The following GPHN variants were observed in gnomAD, a reference collection of about 807,000 sequenced individuals.
GPHN encodes the protein gephyrin.
A neutral mutation model predicts 95.5 loss-of-function variants in GPHN; 17 were observed. The observed-to-expected ratio is 0.18, with a 90% CI of 0.12 to 0.27. The LOEUF (loss-of-function observed/expected upper bound fraction) is 0.27. Ranked by LOEUF, GPHN falls within the 10% of genes least tolerant of loss-of-function variation. GPHN has a pLI of 1.00. For missense variants in GPHN, 660 were observed against 978.1 expected, an observed-to-expected ratio of 0.67 and a Z score of 4.34; for synonymous variants, 320 against 322.5, an observed-to-expected ratio of 0.99 and a Z score of 0.08.
intron 3 of GPHN, among the ~76,000 whole-genome samples, chr14:66,781,068 A>C (rs773950143): frequency 1.3e-5 from 2 of 152,138 alleles, no homozygotes; most frequent in Admixed American, 6.5e-5. Context: ...CAAGTTCATA[A>C]ATTTTTTCAA....
intron 9 of GPHN, among the ~76,000 whole-genome samples, chr14:67,015,391 T>C (rs2073246726): frequency 6.6e-6 from 1 of 152,128 alleles, no homozygotes; most frequent in South Asian, 2.1e-4. Flanking sequence ...TCTCTTATGT[T>C]GTACATAGAT....
At chr14:67,642,408 C>A in the GPHN span, 1 of 1,591,030 alleles carries the variant, frequency 6.3e-7, no homozygotes, top group Non-Finnish European at 8.6e-7. Context: ...TTACATGGTG[C>A]TTGGGGCTCA....
the GPHN span, among the ~76,000 whole-genome samples, chr14:67,607,260 A>G: frequency 3.3e-5 from 5 of 152,304 alleles, no homozygotes; most frequent in African/African-American, 4.8e-5. Context: ...GCATAGTACA[A>G]CCAGCTGGCA....
chr14:66,762,135 G>C (rs2058780663), intron 2 of GPHN, among the ~76,000 whole-genome samples: 1 of 124,778 alleles, frequency 8.0e-6, no homozygotes, highest in South Asian at 2.5e-4. Flanking sequence ...CTTTTGAAAG[G>C]TTAAAAAAAA....
chr14:66,509,222 C>T (rs1047808670), intron 1 of GPHN: 2 of 153,170 alleles, frequency 1.3e-5, no homozygotes, highest in African/African-American at 2.4e-5. Flanking sequence ...CGGAAAGTGT[C>T]TGCCTTCTGC....
At chr14:66,662,249 C>A (rs908087847) in intron 1 of GPHN, among the ~76,000 whole-genome samples, 2 of 152,166 alleles carry the variant, frequency 1.3e-5, no homozygotes, top group Non-Finnish European at 2.9e-5. Flanking sequence ...CAGCCACCAC[C>A]TACCACCTGG....
chr14:67,639,502 T>C, the GPHN span, among the ~76,000 whole-genome samples: 2 of 152,164 alleles, frequency 1.3e-5, no homozygotes, highest in East Asian at 3.8e-4. Context: ...CCTAATATTA[T>C]AAAACACCAG....
rs746967730 is a variant in GPHN at position 66,922,925 on chromosome 14, C to G, written c.716C>G (p.Ala239Gly). 1.7e-5 allele frequency: 27 copies of G among 1,611,864 alleles called. No individual in the cohort carries two copies. The highest frequency in any genetic ancestry group is 2.2e-5 in the Non-Finnish European group (26 of 1,179,406). Residue 239 changes from alanine to glycine, a missense_variant, in exon 7 of 23, where the codon GCC becomes GGC. Transcript: ENST00000478722. ...DSSSSHITAA[A>G]IAAKKHPFYT... is the part of the protein sequence containing the mutation. ...TCCTCATCACATATAACTGCAGCAGCCATTGCTGCCAAGGTAAGCCTGATG... is the reference window on the plus strand; with the variant it reads ...TCCTCATCACATATAACTGCAGCAGGCATTGCTGCCAAGGTAAGCCTGATG...
chr14:67,516,362 G>A, the GPHN span, among the ~76,000 whole-genome samples: 1 of 151,508 alleles, frequency 6.6e-6, no homozygotes, highest in Non-Finnish European at 1.5e-5. Flanking sequence ...GGCCTGATCT[G>A]AGGGGTCTAA....
chr14:66,575,217 A>AT (rs113654963), intron 1 of GPHN, among the ~76,000 whole-genome samples: 8,497 of 151,698 alleles, frequency 0.056, 303 homozygotes, highest in Middle Eastern at 0.082. Flanking sequence ...TGGTTGACAG[A>AT]TTTTTTTTCC....
At chr14:67,687,567 G>A in the GPHN span, among the ~76,000 whole-genome samples, 1 of 148,734 alleles carries the variant, frequency 6.7e-6, no homozygotes, top group Non-Finnish European at 1.5e-5. Context: ...TGCCTCCCAG[G>A]TTCAAGCAAT....
intron 11 of GPHN, among the ~76,000 whole-genome samples, chr14:67,059,391 C>T (rs2075735142): frequency 6.6e-6 from 1 of 152,068 alleles, no homozygotes; most frequent in Non-Finnish European, 1.5e-5. Context: ...GAACTTCCAG[C>T]CAATAAAGCT....
chr14:66,935,092 A>G (rs546084280), intron 8 of GPHN, among the ~76,000 whole-genome samples: 32 of 152,326 alleles, frequency 2.1e-4, no homozygotes, highest in Non-Finnish European at 4.0e-4. Flanking sequence ...ATAAATGAAG[A>G]TATTTTCAGA....
At chr14:67,067,074 A>G (rs2153654690) in intron 11 of GPHN, among the ~76,000 whole-genome samples, 1 of 151,912 alleles carries the variant, frequency 6.6e-6, no homozygotes, top group Admixed American at 6.5e-5. Flanking sequence ...GGTTTTATCT[A>G]CCTTTGGTCT....
intron 3 of GPHN, among the ~76,000 whole-genome samples, chr14:66,780,701 AG>A (rs1232667042): frequency 1.3e-5 from 2 of 152,198 alleles, no homozygotes; most frequent in African/African-American, 4.8e-5. Context: ...TAAAAAAATG[AG>A]GAATTCATCT....
At chr14:67,361,637 C>T in the GPHN span, among the ~76,000 whole-genome samples, 1 of 152,184 alleles carries the variant, frequency 6.6e-6, no homozygotes, top group Non-Finnish European at 1.5e-5. Flanking sequence ...GAAAGAAGTC[C>T]TACCTACCAT....
the GPHN span, among the ~76,000 whole-genome samples, chr14:67,618,995 T>C: frequency 0.031 from 4,693 of 152,268 alleles, 219 homozygotes; most frequent in African/African-American, 0.1. Context: ...GTCTAGATTC[T>C]TGCATGCCAT....
chr14:67,394,749 G>A, the GPHN span, among the ~76,000 whole-genome samples: 45 of 152,228 alleles, frequency 3.0e-4, no homozygotes, highest in African/African-American at 1.1e-3. Context: ...ATATTGAGAG[G>A]TGATGCCTTT....
chr14:67,014,474 G>A (rs1467001871), intron 9 of GPHN, among the ~76,000 whole-genome samples: 1 of 152,010 alleles, frequency 6.6e-6, no homozygotes, highest in Non-Finnish European at 1.5e-5. Flanking sequence ...CCTGTTCTCA[G>A]TGGTTCTCAT....
Sources: allele counts gnomAD v4.1 joint callset (sites outside exome capture counted in the v4.1 genomes callset), GRCh38; gene constraint gnomAD v4.1.1; transcripts MANE v1.5; gene names NCBI Gene and HGNC (gene_info 2026-07-23, HGNC 2026-07-21).